The following ANKRD62 variants were observed in gnomAD, a reference collection of about 807,000 sequenced individuals.
ANKRD62 encodes the protein ankyrin repeat domain-containing protein 62.
A neutral mutation model predicts 98.8 loss-of-function variants in ANKRD62; 61 were observed. That is an observed-to-expected ratio of 0.62 (90% confidence interval 0.50 to 0.76). The LOEUF (loss-of-function observed/expected upper bound fraction) is 0.76. Among genes scored for constraint, ANKRD62 ranks in the 30% least tolerant of loss-of-function variants. The pLI, the probability that ANKRD62 is intolerant of heterozygous loss-of-function variation, is 0.00. For synonymous variants in ANKRD62, 341 were observed against 367.9 expected, an observed-to-expected ratio of 0.93 and a Z score of 0.84; for missense variants, 933 against 1,082.9, an observed-to-expected ratio of 0.86 and a Z score of 1.94.
chr18:12,153,607 A>AAAG, the ANKRD62 span, among the ~76,000 whole-genome samples: 1,037 of 140,992 alleles, frequency 7.4e-3, 3 homozygotes, highest in African/African-American at 0.017. Flanking sequence ...AAAAAAAAAA[A>AAAG]AAAGAAAGAA....
chr18:12,093,846 T>C lies in ANKRD62; in HGVS notation c.-172T>C, dbSNP rs1909101442. On this transcript the variant is annotated 5_prime_UTR_variant, in exon 1 of 14. Coordinates refer to ENST00000587848, the MANE Select transcript of ANKRD62 (RefSeq NM_001277333.2). ...CACATGCGCGCTGGTGCCTAACGGC[T>C]CTGCTGGGCTAGGTGCTCCTCCGAG... 1 of 646,022 alleles carries C rather than the reference T, an allele frequency of 1.5e-6. No homozygotes were observed. Among genetic ancestry groups the C allele is most frequent in the Non-Finnish European group, 2.7e-6 (1 of 370,132 alleles). 40.0% of individuals were successfully genotyped at this position (646,022 alleles called of 1,614,324 possible). A position where few individuals can be genotyped will look rare whatever the true frequency, so the allele number is the denominator to read the frequency against.
the ANKRD62 span, among the ~76,000 whole-genome samples, chr18:12,158,608 C>T: frequency 6.6e-6 from 1 of 152,048 alleles, no homozygotes; most frequent in Non-Finnish European, 1.5e-5. Flanking sequence ...TCACCGCAAG[C>T]TCTGCCTCCC....
At chr18:12,111,725 A>C (rs1333739239) in intron 8 of ANKRD62, among the ~76,000 whole-genome samples, 2 of 152,186 alleles carry the variant, frequency 1.3e-5, no homozygotes, top group African/African-American at 4.8e-5. Context: ...ATACAAAATC[A>C]ATGTGCAAAA....
chr18:12,171,019 G>T, the ANKRD62 span, among the ~76,000 whole-genome samples: 1 of 148,014 alleles, frequency 6.8e-6, no homozygotes, highest in African/African-American at 2.5e-5. Flanking sequence ...TTTATTTTGA[G>T]CGTATGTGTG....
intron 8 of ANKRD62, among the ~76,000 whole-genome samples, chr18:12,112,169 T>G (rs532975941): frequency 1.9e-4 from 29 of 151,344 alleles, no homozygotes; most frequent in Non-Finnish European, 3.8e-4. Context: ...GACTCAATGC[T>G]GTTCCTATTA....
the ANKRD62 span, among the ~76,000 whole-genome samples, chr18:12,134,938 G>T: frequency 1.3e-5 from 2 of 152,090 alleles, no homozygotes; most frequent in Admixed American, 6.6e-5. Context: ...GATCCCTGAG[G>T]AATCGCCACA....
the ANKRD62 span, among the ~76,000 whole-genome samples, chr18:12,175,854 A>G: frequency 7.6e-4 from 116 of 152,082 alleles, 2 homozygotes; most frequent in East Asian, 3.1e-3. Flanking sequence ...TTCTCCCCCA[A>G]TAGTTCACTT....
chr18:12,158,442 G>T, the ANKRD62 span, among the ~76,000 whole-genome samples: 1 of 152,218 alleles, frequency 6.6e-6, no homozygotes, highest in Non-Finnish European at 1.5e-5. Flanking sequence ...TCCTCTGTAT[G>T]TGCAACCTGA....
chr18:12,117,253 G>A lies in ANKRD62; in HGVS notation c.1240+1719G>A, dbSNP rs73410934. Among the ~76,000 whole-genome samples, 1,276 of 152,064 alleles carry A rather than the reference G, an allele frequency of 8.4e-3. 21 individuals are homozygous for A. Among genetic ancestry groups the A allele is most frequent in the African/African-American group, 0.03 (1,234 of 41,460 alleles). On this transcript the variant is annotated intron_variant, in intron 10 of 13. Transcript: ENST00000587848. ...CTTATTAAAGACTTGTGGCAAAAGG[G>A]GTCTCTGTTGTAGCTGATAGACTCT...
At chr18:12,097,905 A>G (rs1224211678) in intron 5 of ANKRD62, 128 bp downstream of exon 5, 7 of 1,064,150 alleles carry the variant, frequency 6.6e-6, no homozygotes, top group Admixed American at 5.5e-5. Context: ...GAGTTAGTCC[A>G]CTTCATCAGC....
the ANKRD62 span, among the ~76,000 whole-genome samples, chr18:12,140,547 G>C: frequency 6.6e-6 from 1 of 152,144 alleles, no homozygotes; most frequent in South Asian, 2.1e-4. Flanking sequence ...CTTTCTGTTT[G>C]TTAGTTTTCC....
the ANKRD62 span, among the ~76,000 whole-genome samples, chr18:12,158,650 C>G: frequency 6.6e-6 from 1 of 151,098 alleles, no homozygotes; most frequent in Non-Finnish European, 1.5e-5. Flanking sequence ...CTCAGCCTCC[C>G]GTAGCTGGGA....
chr18:12,166,107 G>T, the ANKRD62 span, among the ~76,000 whole-genome samples: 1 of 151,998 alleles, frequency 6.6e-6, no homozygotes. Flanking sequence ...TTAAATGCCT[G>T]GAGGTAGTCT....
At chr18:12,114,642 C>T (rs1598735039) in intron 8 of ANKRD62, among the ~76,000 whole-genome samples, 1 of 151,984 alleles carries the variant, frequency 6.6e-6, no homozygotes, top group Middle Eastern at 3.2e-3. Context: ...ACAGTACTTG[C>T]GCAGTATGTC....
chr18:12,179,742 T>TC, the ANKRD62 span, among the ~76,000 whole-genome samples: 1 of 142,948 alleles, frequency 7.0e-6, no homozygotes. Flanking sequence ...CCAGATGAGT[T>TC]AGCGAGCCCA....
At chr18:12,146,121 G>A in the ANKRD62 span, among the ~76,000 whole-genome samples, 1 of 151,792 alleles carries the variant, frequency 6.6e-6, no homozygotes, top group African/African-American at 2.4e-5. Context: ...GCACAGCACA[G>A]CACAGCACAG....
chr18:12,123,036 T>TTTTG (rs1555652634), intron 11 of ANKRD62, among the ~76,000 whole-genome samples: 26 of 151,364 alleles, frequency 1.7e-4, no homozygotes, highest in African/African-American at 4.9e-4. Context: ...AACCAGTTTT[T>TTTTG]TTTGTTTGTT....
chr18:12,111,563 T>A (rs1483500041), intron 8 of ANKRD62, among the ~76,000 whole-genome samples: 1 of 152,084 alleles, frequency 6.6e-6, no homozygotes, highest in East Asian at 1.9e-4. Flanking sequence ...GCCAGGGTAA[T>A]CCATCAAGAG....
At chr18:12,156,661 C>T in the ANKRD62 span, among the ~76,000 whole-genome samples, 1 of 152,080 alleles carries the variant, frequency 6.6e-6, no homozygotes, top group African/African-American at 2.4e-5. Flanking sequence ...GCATCTCTTA[C>T]TGTTGGCTCT....
Sources: gnomAD v4.1 joint callset for allele counts (sites outside exome capture counted in the v4.1 genomes callset) on GRCh38, gnomAD v4.1.1 for gene constraint, MANE v1.5 for transcripts, NCBI Gene and HGNC (gene_info 2026-07-23, HGNC 2026-07-21) for gene names.